Variants in CADM2 observed in about 807,000 individuals in gnomAD.
CADM2 encodes cell adhesion molecule 2.
In CADM2, 12 loss-of-function variants were observed where a neutral mutation model predicts 49.8. The ratio of observed to expected loss-of-function variants is 0.24; its 90% confidence interval spans 0.15 to 0.39. CADM2 has a LOEUF of 0.39. Among genes scored for constraint, CADM2 ranks in the 10% least tolerant of loss-of-function variants. The pLI, the probability that CADM2 is intolerant of heterozygous loss-of-function variation, is 1.00. For missense variants in CADM2, 378 were observed against 492.3 expected, an observed-to-expected ratio of 0.77 and a Z score of 2.20; for synonymous variants, 214 against 175.4, an observed-to-expected ratio of 1.22 and a Z score of -1.74.
At chr3:85,116,797 G>A (rs2038654980) in intron 1 of CADM2, among the ~76,000 whole-genome samples, 1 of 152,016 alleles carries the variant, frequency 6.6e-6, no homozygotes, top group Non-Finnish European at 1.5e-5. Flanking sequence ...TGTAACTTAT[G>A]ATAGTATACA....
intron 1 of CADM2, among the ~76,000 whole-genome samples, chr3:85,493,544 T>G (rs1272643952): frequency 6.6e-6 from 1 of 152,220 alleles, no homozygotes; most frequent in Non-Finnish European, 1.5e-5. Context: ...AGCACAGTGG[T>G]TAAATTGCCA....
chr3:85,670,509 C>T (rs2065705056), intron 1 of CADM2, among the ~76,000 whole-genome samples: 1 of 152,144 alleles, frequency 6.6e-6, no homozygotes, highest in South Asian at 2.1e-4. Context: ...TTCCCACTTA[C>T]TAAGACCTGT....
intron 1 of CADM2, among the ~76,000 whole-genome samples, chr3:85,350,327 GA>G (rs1277984630): frequency 2.6e-5 from 4 of 152,022 alleles, no homozygotes; most frequent in Non-Finnish European, 4.4e-5. Context: ...TGTCTAATAA[GA>G]AAGCTACTTT....
chr3:85,975,747 G>A (rs1726696233), intron 8 of CADM2, among the ~76,000 whole-genome samples: 1 of 151,416 alleles, frequency 6.6e-6, no homozygotes, highest in Non-Finnish European at 1.5e-5. Context: ...CACTCTCCAA[G>A]GAACACACAA....
intron 8 of CADM2, among the ~76,000 whole-genome samples, chr3:86,029,357 C>T (rs1309722108): frequency 6.6e-6 from 1 of 151,698 alleles, no homozygotes; most frequent in Non-Finnish European, 1.5e-5. Context: ...CTGTCTTAGA[C>T]TGGGGAAATA....
intron 8 of CADM2, among the ~76,000 whole-genome samples, chr3:86,045,966 C>G (rs890369832): frequency 3.3e-5 from 5 of 152,102 alleles, no homozygotes; most frequent in Non-Finnish European, 5.9e-5. Flanking sequence ...TTAGCATAGC[C>G]TCATTTTTAA....
chr3:85,783,843 G>T (rs1025614431), intron 2 of CADM2, among the ~76,000 whole-genome samples: 7 of 152,146 alleles, frequency 4.6e-5, no homozygotes, highest in African/African-American at 1.7e-4. Context: ...AACTTGAGAA[G>T]TTGGTTATTG....
chr3:85,789,408 C>T (rs1395482529), intron 2 of CADM2, among the ~76,000 whole-genome samples: 1 of 152,166 alleles, frequency 6.6e-6, no homozygotes, highest in Non-Finnish European at 1.5e-5. Flanking sequence ...TTTATGTATA[C>T]ATAATAATTA....
chr3:85,179,413 G>A (rs77159288), intron 1 of CADM2, among the ~76,000 whole-genome samples: 1 of 152,032 alleles, frequency 6.6e-6, no homozygotes, highest in African/African-American at 2.4e-5. Flanking sequence ...GATAACAACT[G>A]TCTGGCTCTT....
chr3:85,486,253 C>G (rs966527024), intron 1 of CADM2, among the ~76,000 whole-genome samples: 3 of 151,958 alleles, frequency 2.0e-5, no homozygotes, highest in African/African-American at 7.2e-5. Context: ...AATTTTATGG[C>G]GTATGTAATT....
intron 3 of CADM2, among the ~76,000 whole-genome samples, chr3:85,838,933 A>G (rs185797769): frequency 4.4e-4 from 67 of 151,966 alleles, no homozygotes; most frequent in African/African-American, 1.6e-3. Flanking sequence ...AAATTCACTT[A>G]GGGGTGCTTG....
intron 1 of CADM2, among the ~76,000 whole-genome samples, chr3:85,418,648 A>G (rs1033080816): frequency 6.6e-6 from 1 of 152,164 alleles, no homozygotes; most frequent in South Asian, 2.1e-4. Flanking sequence ...AAAAATAGGT[A>G]AATTGTTAAA....
At chr3:85,542,925 C>G (rs949241146) in intron 1 of CADM2, among the ~76,000 whole-genome samples, 1 of 152,204 alleles carries the variant, frequency 6.6e-6, no homozygotes, top group African/African-American at 2.4e-5. Context: ...CATTGTGCAG[C>G]TAACTCATGC....
chr3:85,913,859 T>C (rs1222302218), intron 6 of CADM2, among the ~76,000 whole-genome samples: 2 of 151,972 alleles, frequency 1.3e-5, no homozygotes, highest in East Asian at 3.9e-4. Context: ...TGAGTATGTG[T>C]GTTGGTGTAA....
intron 1 of CADM2, among the ~76,000 whole-genome samples, chr3:85,606,438 T>C (rs1264568580): frequency 6.6e-6 from 1 of 152,120 alleles, no homozygotes; most frequent in Non-Finnish European, 1.5e-5. Context: ...ATCAGAGTTT[T>C]AATATATCTC....
chr3:85,129,825 T>C (rs1376335525), intron 1 of CADM2, among the ~76,000 whole-genome samples: 1 of 152,252 alleles, frequency 6.6e-6, no homozygotes, highest in Non-Finnish European at 1.5e-5. Context: ...CTAGTATGTA[T>C]ACATATAAAC....
intron 2 of CADM2, among the ~76,000 whole-genome samples, chr3:85,798,247 C>G (rs565606740): frequency 6.6e-6 from 1 of 152,020 alleles, no homozygotes; most frequent in South Asian, 2.1e-4. Flanking sequence ...TAGTTTCTTT[C>G]GCTGTGTAGA....
intron 1 of CADM2, among the ~76,000 whole-genome samples, chr3:85,032,221 T>A (rs2035020742): frequency 6.6e-6 from 1 of 151,832 alleles, no homozygotes; most frequent in South Asian, 2.1e-4. Context: ...ACTGGTTTTT[T>A]TTTTTTATCT....
At chr3:85,417,888 G>T (rs1258299430) in intron 1 of CADM2, among the ~76,000 whole-genome samples, 1 of 151,982 alleles carries the variant, frequency 6.6e-6, no homozygotes, top group African/African-American at 2.4e-5. Context: ...ATATTTAGAA[G>T]GTCTATGATG....
Sources: allele counts gnomAD v4.1 joint callset (sites outside exome capture counted in the v4.1 genomes callset), GRCh38; gene constraint gnomAD v4.1.1; transcripts MANE v1.5; gene names NCBI Gene and HGNC (gene_info 2026-07-23, HGNC 2026-07-21).